The following RAB31 variants were observed in gnomAD, a reference collection of about 807,000 sequenced individuals.
RAB31 encodes the protein ras-related protein Rab-31.
RAB31 carries 21 observed loss-of-function variants against 25.6 expected under a neutral mutation model. That is an observed-to-expected ratio of 0.82 (90% CI 0.58 to 1.18). RAB31 has a LOEUF of 1.18. Ranked by LOEUF, RAB31 falls within the 50% of genes most tolerant of loss-of-function variation. The probability of loss-of-function intolerance (pLI) is 0.00; values close to 1 mark genes in which losing one functional copy is unlikely to be tolerated. For synonymous variants in RAB31, 87 were observed against 84.0 expected (o/e 1.04, Z -0.20); for missense variants, 196 against 250.1 (o/e 0.78, Z 1.46).
intron 1 of RAB31, among the ~76,000 whole-genome samples, chr18:9,728,336 C>G (rs1253384156): frequency 6.6e-6 from 1 of 152,096 alleles, no homozygotes; most frequent in Non-Finnish European, 1.5e-5. Context: ...AATCTTTGTA[C>G]CTGAATCTTA....
intron 1 of RAB31, among the ~76,000 whole-genome samples, chr18:9,752,001 G>A (rs963021566): frequency 6.6e-5 from 10 of 152,196 alleles, no homozygotes; most frequent in African/African-American, 2.4e-4. Context: ...TGAGAGTGCT[G>A]TCTTCTGGCT....
At chr18:9,836,073 G>A (rs1192805060) in intron 5 of RAB31, among the ~76,000 whole-genome samples, 1 of 151,962 alleles carries the variant, frequency 6.6e-6, no homozygotes, top group African/African-American at 2.4e-5. Context: ...CATGTGGGAT[G>A]GTTTTGACAG....
At chr18:9,734,401 C>T (rs1037617814) in intron 1 of RAB31, among the ~76,000 whole-genome samples, 4 of 152,204 alleles carry the variant, frequency 2.6e-5, no homozygotes, top group Non-Finnish European at 5.9e-5. Context: ...CACCCGCTGC[C>T]TTTCCTGAAC....
In RAB31 at chr18:9,812,110, T is replaced by C. The variant is rs35898853; in HGVS notation, c.202-1910T>C. ...GGGAGAGAAGGGAGATCTGGTCTCC[T>C]TCTCTCCTTATAAGGGACTAATCCC... On this transcript the variant is annotated intron_variant, in intron 3 of 6. Transcript: ENST00000578921. Among the ~76,000 whole-genome samples, 1,275 of 152,272 alleles carry C rather than the reference T, an allele frequency of 8.4e-3. 6 individuals are homozygous for C. Among genetic ancestry groups the C allele is most frequent in the Non-Finnish European group, 0.014 (961 of 68,012 alleles).
chr18:9,805,999 C>G (rs2068538639), intron 3 of RAB31, among the ~76,000 whole-genome samples: 1 of 151,996 alleles, frequency 6.6e-6, no homozygotes, highest in South Asian at 2.1e-4. Flanking sequence ...ATGGCGAAAC[C>G]CCGTCTCTAC....
chr18:9,846,796 T>C (rs2068764178), intron 6 of RAB31, among the ~76,000 whole-genome samples: 1 of 152,212 alleles, frequency 6.6e-6, no homozygotes, highest in East Asian at 1.9e-4. Flanking sequence ...GTTGGCTTGA[T>C]GGAGAATTCA....
chr18:9,815,011 TA>T lies in RAB31; in HGVS notation c.274-100del, dbSNP rs1431707961. Reference sequence around the variant, plus strand: ...AGTATGTTAATCTGCATGAGTCTCCTAAAAATATTTTTCTCCATTAAATTGT... The same window carrying T: ...AGTATGTTAATCTGCATGAGTCTCCTAAAATATTTTTCTCCATTAAATTGT... On this transcript the variant is annotated intron_variant, in intron 4 of 6. Coordinates refer to ENST00000578921, the MANE Select transcript of RAB31 (RefSeq NM_006868.4). 9 of 816,632 alleles carry T rather than the reference TA, an allele frequency of 1.1e-5. 1 individual carries two copies. The East Asian group carries it at 1.4e-4, about 13-fold the overall frequency. The allele number at this position is 816,632 out of a possible 1,614,324, so 50.6% of individuals were successfully genotyped here. A position where few individuals can be genotyped will look rare whatever the true frequency, so the allele number is the denominator to read the frequency against.
intron 1 of RAB31, among the ~76,000 whole-genome samples, chr18:9,720,200 G>A (rs1435052091): frequency 1.3e-5 from 2 of 152,214 alleles, no homozygotes; most frequent in Non-Finnish European, 2.9e-5. Context: ...CTGACTTCAA[G>A]TGATCCACCC....
chr18:9,764,961 C>CT lies in RAB31; in HGVS notation c.40-10307dup, dbSNP rs111628952. Among the ~76,000 whole-genome samples the CT allele has an allele frequency of 3.0e-3, 427 of 140,706 alleles. 10 individuals are homozygous for CT. The highest frequency in any genetic ancestry group is 1.0e-2 in the African/African-American group (388 of 38,936). 92.3% of individuals were successfully genotyped at this position (140,706 alleles called of 152,430 possible). A position where few individuals can be genotyped will look rare whatever the true frequency, so the allele number is the denominator to read the frequency against. Reference sequence around the variant, plus strand: ...CACCTTTTTCTTTCTTTCTTTCTTTCTTTTTTTTTTGGAGACAGAGTCTCG... The same window carrying CT: ...CACCTTTTTCTTTCTTTCTTTCTTTCTTTTTTTTTTTGGAGACAGAGTCTCG... On this transcript the variant is annotated intron_variant, in intron 1 of 6. Transcript: ENST00000578921.
chr18:9,725,156 G>A (rs908527121), intron 1 of RAB31, among the ~76,000 whole-genome samples: 5 of 152,128 alleles, frequency 3.3e-5, no homozygotes, highest in African/African-American at 9.7e-5. Context: ...GGAGGTGGGT[G>A]CTAAAAGACT....
At chr18:9,715,273 C>A (rs768175836) in intron 1 of RAB31, among the ~76,000 whole-genome samples, 2 of 152,040 alleles carry the variant, frequency 1.3e-5, no homozygotes, top group Non-Finnish European at 2.9e-5. Context: ...GGTGTGCACT[C>A]CAGGCCCTGG....
At chr18:9,812,169 A>G (rs2068575544) in intron 3 of RAB31, among the ~76,000 whole-genome samples, 1 of 152,138 alleles carries the variant, frequency 6.6e-6, no homozygotes, top group Non-Finnish European at 1.5e-5. Context: ...ATTACCTCCT[A>G]AGGGCCCCAC....
At chr18:9,770,747 G>A (rs543252166) in intron 1 of RAB31, among the ~76,000 whole-genome samples, 1 of 152,080 alleles carries the variant, frequency 6.6e-6, no homozygotes, top group Non-Finnish European at 1.5e-5. Flanking sequence ...TACTGTTAAG[G>A]CTGCAGCGGC....
chr18:9,752,500 C>T (rs1288092084), intron 1 of RAB31, among the ~76,000 whole-genome samples: 2 of 152,160 alleles, frequency 1.3e-5, no homozygotes, highest in Non-Finnish European at 2.9e-5. Context: ...GCTGGGATTA[C>T]AGGCATGAGC....
chr18:9,767,750 G>A (rs2068323509), intron 1 of RAB31, among the ~76,000 whole-genome samples: 1 of 151,860 alleles, frequency 6.6e-6, no homozygotes, highest in African/African-American at 2.4e-5. Context: ...TTTAAGTTCT[G>A]GGACACATGT....
At chr18:9,771,103 C>T (rs948010881) in intron 1 of RAB31, among the ~76,000 whole-genome samples, 2 of 151,918 alleles carry the variant, frequency 1.3e-5, no homozygotes, top group Non-Finnish European at 2.9e-5. Context: ...CTCAGGAGTT[C>T]GAGGCTGCAG....
At chr18:9,843,563 A>C (rs2143131331) in intron 5 of RAB31, among the ~76,000 whole-genome samples, 1 of 152,032 alleles carries the variant, frequency 6.6e-6, no homozygotes, top group Admixed American at 6.5e-5. Context: ...AAAAAAAAAA[A>C]AACTTCAGGA....
chr18:9,783,466 G>A (rs976779356), intron 2 of RAB31, among the ~76,000 whole-genome samples: 1 of 152,126 alleles, frequency 6.6e-6, no homozygotes, highest in Non-Finnish European at 1.5e-5. Context: ...CTAACCCTGA[G>A]GAGAACTTTT....
At chr18:9,796,026 T>TAC (rs939771209) in intron 3 of RAB31, among the ~76,000 whole-genome samples, 2 of 152,158 alleles carry the variant, frequency 1.3e-5, no homozygotes, top group Non-Finnish European at 2.9e-5. Flanking sequence ...GGTATATATA[T>TAC]ACACCATACA....
Sources: allele counts gnomAD v4.1 joint callset (sites outside exome capture counted in the v4.1 genomes callset), GRCh38; gene constraint gnomAD v4.1.1; transcripts MANE v1.5; gene names NCBI Gene and HGNC (gene_info 2026-07-23, HGNC 2026-07-21).